Variants in SHISAL1 observed in about 807,000 individuals in gnomAD.
The protein encoded by SHISAL1 is shisa like 1, also known as protein shisa-like-1.
Under a neutral mutation model 22.6 loss-of-function variants are expected in SHISAL1, and 9 were observed. The observed-to-expected ratio is 0.40, with a 90% CI of 0.24 to 0.70. The LOEUF (loss-of-function observed/expected upper bound fraction) is 0.70. Among genes scored for constraint, SHISAL1 ranks in the 30% least tolerant of loss-of-function variants. SHISAL1 has a pLI of 0.39. For synonymous variants in SHISAL1, 119 were observed against 115.4 expected, an observed-to-expected ratio of 1.03 and a Z score of -0.20; for missense variants, 246 against 270.6, an observed-to-expected ratio of 0.91 and a Z score of 0.64.
chr22:44,285,336 G>A (rs2055305247), intron 4 of SHISAL1, 92 bp downstream of exon 4: 1 of 1,379,886 alleles, frequency 7.2e-7, no homozygotes, highest in South Asian at 1.3e-5. Context: ...CAACCAATGA[G>A]CCAAACACTA....
intron 3 of SHISAL1, among the ~76,000 whole-genome samples, chr22:44,291,395 T>C (rs1170062006): frequency 2.6e-5 from 4 of 152,202 alleles, no homozygotes; most frequent in Non-Finnish European, 5.9e-5. Flanking sequence ...CCCTGTGTGC[T>C]GTGTGGCTGC....
chr22:44,285,188 G>A (rs2055304362), intron 4 of SHISAL1, among the ~76,000 whole-genome samples: 2 of 152,086 alleles, frequency 1.3e-5, no homozygotes, highest in South Asian at 2.1e-4. Flanking sequence ...GGCTCTAAGC[G>A]CAATGAGCTT....
the SHISAL1 span, among the ~76,000 whole-genome samples, chr22:44,323,302 T>TCATC: frequency 9.4e-6 from 1 of 106,790 alleles, no homozygotes; most frequent in Non-Finnish European, 1.9e-5. Flanking sequence ...ACCCACCCAT[T>TCATC]CATCCATCCA....
intron 4 of SHISAL1, among the ~76,000 whole-genome samples, chr22:44,268,443 C>T (rs1394084702): frequency 6.6e-6 from 1 of 152,230 alleles, no homozygotes; most frequent in African/African-American, 2.4e-5. Flanking sequence ...TTAGAAGGCG[C>T]AGTCCCTTCC....
In SHISAL1 at chr22:44,248,230, C is replaced by T. The variant is rs933860731; in HGVS notation, c.*1455G>A. 5 of 149,086 alleles carry T rather than the reference C, an allele frequency of 3.4e-5. No individual in the cohort carries two copies. The highest frequency in any genetic ancestry group is 7.8e-5 in the African/African-American group (3 of 38,518). 9.2% of individuals were successfully genotyped at this position (149,086 alleles called of 1,614,324 possible). ...AGCAGGGACCTGCCTTGCTCACTGTCGTGTCTGGTGAATGGATGGGTGGTC... is the reference window on the plus strand; with the variant it reads ...AGCAGGGACCTGCCTTGCTCACTGTTGTGTCTGGTGAATGGATGGGTGGTC... On this transcript the variant is annotated 3_prime_UTR_variant, in exon 5 of 5. Coordinates refer to ENST00000381176, the MANE Select transcript of SHISAL1 (RefSeq NM_001099294.2).
At chr22:44,324,666 C>T in the SHISAL1 span, among the ~76,000 whole-genome samples, 1 of 152,214 alleles carries the variant, frequency 6.6e-6, no homozygotes, top group Non-Finnish European at 1.5e-5. Context: ...CCCAAGGTCA[C>T]AAAGTGAGGA....
chr22:44,295,757 A>G (rs2055380926), intron 3 of SHISAL1, among the ~76,000 whole-genome samples: 1 of 152,224 alleles, frequency 6.6e-6, no homozygotes, highest in East Asian at 1.9e-4. Flanking sequence ...AGCTCACGGT[A>G]AAAGAAATAC....
At chr22:44,265,983 C>G (rs537222999) in intron 4 of SHISAL1, among the ~76,000 whole-genome samples, 50 of 152,344 alleles carry the variant, frequency 3.3e-4, no homozygotes, top group African/African-American at 1.2e-3. Flanking sequence ...GTGTCTGGAT[C>G]AGGCTTCTCT....
intron 4 of SHISAL1, among the ~76,000 whole-genome samples, chr22:44,258,105 A>C (rs1402141617): frequency 6.6e-6 from 1 of 152,110 alleles, no homozygotes; most frequent in Admixed American, 6.5e-5. Flanking sequence ...ATGCCATTGC[A>C]CTCCAGCCTG....
intron 3 of SHISAL1, among the ~76,000 whole-genome samples, chr22:44,290,889 T>TTTGAGG (rs1185571273): frequency 1.3e-5 from 2 of 152,108 alleles, no homozygotes; most frequent in African/African-American, 4.8e-5. Context: ...TCGCCCAAGG[T>TTTGAGG]CACACAGCAG....
intron 4 of SHISAL1, among the ~76,000 whole-genome samples, chr22:44,260,519 G>GA (rs2055114263): frequency 6.6e-6 from 1 of 152,224 alleles, no homozygotes; most frequent in Admixed American, 6.5e-5. Context: ...AAGAGGGACA[G>GA]AAAATCAGAG....
chr22:44,293,410 CG>C (rs1187990235), intron 3 of SHISAL1, among the ~76,000 whole-genome samples: 1 of 152,088 alleles, frequency 6.6e-6, no homozygotes, highest in African/African-American at 2.4e-5. Context: ...TGGTTGTCAC[CG>C]GGGTGGTGGG....
chr22:44,304,076 CT>C (rs1182932631), intron 1 of SHISAL1, among the ~76,000 whole-genome samples: 1 of 152,240 alleles, frequency 6.6e-6, no homozygotes, highest in Non-Finnish European at 1.5e-5. Flanking sequence ...CATGCCCAGA[CT>C]GTCCTGGCAC....
intron 1 of SHISAL1, among the ~76,000 whole-genome samples, chr22:44,306,147 A>G (rs1468313649): frequency 6.6e-6 from 1 of 152,222 alleles, no homozygotes; most frequent in African/African-American, 2.4e-5. Context: ...TCAGGCTTCC[A>G]TGAGGCGGCC....
rs1425399655 is a variant in SHISAL1 at position 44,246,676 on chromosome 22, CTG to C, written c.*3007_*3008del. On this transcript the variant is annotated 3_prime_UTR_variant, in exon 5 of 5. Transcript: ENST00000381176. ...AATACACACACACCTGCTTTCCACA[CTG>C]AGTGTTCACACCCACATGCACACTG... 1 of 150,282 alleles carries C rather than the reference CTG, an allele frequency of 6.7e-6. No individual in the cohort carries two copies. The highest frequency in any genetic ancestry group is 6.6e-5 in the Admixed American group (1 of 15,190). 9.3% of individuals were successfully genotyped at this position (150,282 alleles called of 1,614,324 possible).
the SHISAL1 span, among the ~76,000 whole-genome samples, chr22:44,318,979 C>T: frequency 3.7e-4 from 57 of 152,354 alleles, no homozygotes; most frequent in Non-Finnish European, 7.1e-4. Context: ...AAGTCCCCAG[C>T]GTGGCTAAGG....
intron 4 of SHISAL1, among the ~76,000 whole-genome samples, chr22:44,271,099 C>T (rs1241830224): frequency 1.3e-5 from 2 of 152,114 alleles, no homozygotes; most frequent in Admixed American, 1.3e-4. Flanking sequence ...TCCCCACATC[C>T]CCTTTGATTT....
At chr22:44,278,827 C>T (rs548697396) in intron 4 of SHISAL1, among the ~76,000 whole-genome samples, 1 of 152,214 alleles carries the variant, frequency 6.6e-6, no homozygotes, top group South Asian at 2.1e-4. Flanking sequence ...TAGGCTTCGG[C>T]TTGAGGAGGG....
intron 3 of SHISAL1, among the ~76,000 whole-genome samples, chr22:44,291,787 C>T (rs1421246510): frequency 1.3e-5 from 2 of 152,048 alleles, no homozygotes; most frequent in Non-Finnish European, 2.9e-5. Flanking sequence ...CCAGAGAGAA[C>T]TGACCACATC....
Sources: allele counts gnomAD v4.1 joint callset (sites outside exome capture counted in the v4.1 genomes callset), GRCh38; gene constraint gnomAD v4.1.1; transcripts MANE v1.5; gene names NCBI Gene and HGNC (gene_info 2026-07-23, HGNC 2026-07-21).